GALNTL6: variants seen among roughly 807,000 people sequenced by gnomAD.
GALNTL6 encodes the protein polypeptide N-acetylgalactosaminyltransferase-like 6.
GALNTL6 carries 46 observed loss-of-function variants against 73.7 expected under a neutral mutation model. The ratio of observed to expected loss-of-function variants is 0.62; its 90% CI spans 0.49 to 0.80. The LOEUF (loss-of-function observed/expected upper bound fraction) is 0.80, where lower values mean the gene tolerates loss of function less well. GALNTL6 is among the 30% of genes least tolerant of loss of function. The pLI, the probability that GALNTL6 is intolerant of heterozygous loss-of-function variation, is 0.00. For synonymous variants in GALNTL6, 259 were observed against 263.7 expected, an observed-to-expected ratio of 0.98 and a Z score of 0.17; for missense variants, 604 against 755.0, an observed-to-expected ratio of 0.80 and a Z score of 2.34.
intron 5 of GALNTL6, among the ~76,000 whole-genome samples, chr4:172,592,807 G>A (rs970293023): frequency 2.0e-5 from 3 of 151,996 alleles, no homozygotes; most frequent in African/African-American, 7.3e-5. Context: ...AGCTTTGTTT[G>A]CTATTGAGTT....
At chr4:172,966,973 G>A (rs1333772794) in intron 10 of GALNTL6, among the ~76,000 whole-genome samples, 1 of 152,196 alleles carries the variant, frequency 6.6e-6, no homozygotes, top group Non-Finnish European at 1.5e-5. Flanking sequence ...GATTTTGTAA[G>A]CAACCCAAAA....
intron 2 of GALNTL6, among the ~76,000 whole-genome samples, chr4:172,198,306 A>G (rs772094697): frequency 4.6e-5 from 7 of 151,998 alleles, no homozygotes; most frequent in Non-Finnish European, 7.4e-5. Context: ...CAAAAATCCT[A>G]TCATCAGCGC....
At chr4:172,237,002 C>A (rs987218865) in intron 3 of GALNTL6, among the ~76,000 whole-genome samples, 2 of 152,140 alleles carry the variant, frequency 1.3e-5, no homozygotes, top group Non-Finnish European at 2.9e-5. Context: ...TTACTTGGGA[C>A]AATGGTCTCC....
intron 5 of GALNTL6, among the ~76,000 whole-genome samples, chr4:172,406,793 A>T (rs193294076): frequency 3.3e-5 from 5 of 152,176 alleles, no homozygotes; most frequent in Non-Finnish European, 7.4e-5. Flanking sequence ...CAAATTTTAC[A>T]TCAAACAATA....
chr4:172,537,383 T>G (rs756532021), intron 5 of GALNTL6, among the ~76,000 whole-genome samples: 25 of 152,258 alleles, frequency 1.6e-4, no homozygotes, highest in Non-Finnish European at 3.2e-4. Context: ...CTCATGATAG[T>G]GAGTGAGTTT....
intron 5 of GALNTL6, among the ~76,000 whole-genome samples, chr4:172,483,724 T>C (rs979835478): frequency 1.7e-4 from 26 of 152,102 alleles, no homozygotes; most frequent in Admixed American, 1.1e-3. Flanking sequence ...GTAAGAAATA[T>C]TTGGTAACTT....
chr4:171,940,828 T>TAAAA, intron 2 of GALNTL6, among the ~76,000 whole-genome samples: 1 of 104,148 alleles, frequency 9.6e-6, no homozygotes, highest in East Asian at 2.5e-4. Flanking sequence ...AGAAAATAAA[T>TAAAA]AAATAAATAA....
intron 3 of GALNTL6, among the ~76,000 whole-genome samples, chr4:172,264,390 A>G (rs1187961798): frequency 6.7e-6 from 1 of 149,938 alleles, no homozygotes; most frequent in Non-Finnish European, 1.5e-5. Context: ...GTTTCCTCAT[A>G]TTTGTCCCTT....
chr4:172,769,063 A>C (rs999955856), intron 5 of GALNTL6, among the ~76,000 whole-genome samples: 8 of 152,102 alleles, frequency 5.3e-5, no homozygotes, highest in Non-Finnish European at 1.0e-4. Flanking sequence ...GGATTGTCAG[A>C]TTTAGCAAGT....
Position 172,717,507 on chromosome 4 carries a change from A to G in GALNTL6, c.554-91854A>G, listed in dbSNP as rs1019782208. Among the ~76,000 whole-genome samples, 7 of 152,336 alleles carry G rather than the reference A, an allele frequency of 4.6e-5. No homozygotes were observed. In the East Asian group the frequency reaches 1.2e-3, roughly 25 times the overall value. On this transcript the variant is annotated intron_variant, in intron 5 of 12. Coordinates refer to ENST00000506823, the MANE Select transcript of GALNTL6 (RefSeq NM_001034845.3). ...GAATCAATAAAGATGGCAGATGAGC[A>G]CCAATTGGTGGGCTGAAAAGAAAGC...
chr4:172,692,615 G>C (rs574611970), intron 5 of GALNTL6, among the ~76,000 whole-genome samples: 28 of 152,112 alleles, frequency 1.8e-4, no homozygotes, highest in African/African-American at 6.5e-4. Flanking sequence ...TTAGCAGCAA[G>C]CATTTTTTTC....
At chr4:172,522,717 G>A (rs540042895) in intron 5 of GALNTL6, among the ~76,000 whole-genome samples, 5 of 146,666 alleles carry the variant, frequency 3.4e-5, no homozygotes, top group Admixed American at 2.8e-4. Flanking sequence ...ATCTAATTAT[G>A]AGGATGAGGG....
chr4:172,628,723 T>C (rs1211107785), intron 5 of GALNTL6, among the ~76,000 whole-genome samples: 2 of 152,136 alleles, frequency 1.3e-5, no homozygotes, highest in African/African-American at 4.8e-5. Flanking sequence ...ATATTGTTCT[T>C]TGTTGCAGAT....
intron 5 of GALNTL6, among the ~76,000 whole-genome samples, chr4:172,733,051 G>T (rs1219403139): frequency 1.3e-5 from 2 of 152,144 alleles, no homozygotes; most frequent in African/African-American, 4.8e-5. Flanking sequence ...ACTTAATTTT[G>T]CACCTTAGTG....
intron 5 of GALNTL6, among the ~76,000 whole-genome samples, chr4:172,563,064 C>A (rs1018499478): frequency 6.6e-6 from 1 of 152,128 alleles, no homozygotes; most frequent in Non-Finnish European, 1.5e-5. Context: ...CTGAGCTTTC[C>A]GTGATCCTAC....
chr4:172,208,149 T>C (rs548445899), intron 2 of GALNTL6, among the ~76,000 whole-genome samples: 40 of 152,302 alleles, frequency 2.6e-4, no homozygotes, highest in African/African-American at 9.6e-4. Context: ...GTGAGACCTG[T>C]GACCTGTACA....
At chr4:172,718,206 G>A (rs928592107) in intron 5 of GALNTL6, among the ~76,000 whole-genome samples, 1 of 152,158 alleles carries the variant, frequency 6.6e-6, no homozygotes, top group African/African-American at 2.4e-5. Context: ...TCGTTATGAT[G>A]ATTCATGACT....
chr4:172,480,959 TTTTGCCATA>T (rs1733438738), intron 5 of GALNTL6, among the ~76,000 whole-genome samples: 1 of 152,166 alleles, frequency 6.6e-6, no homozygotes, highest in Non-Finnish European at 1.5e-5. Flanking sequence ...AAATTGACAT[TTTTGCCATA>T]TTTATTGGTC....
intron 10 of GALNTL6, among the ~76,000 whole-genome samples, chr4:172,986,238 G>T (rs1417178096): frequency 2.6e-5 from 4 of 152,178 alleles, no homozygotes; most frequent in Admixed American, 6.5e-5. Context: ...TATTCTTAAA[G>T]GTAAGAGGAG....
Sources: allele counts gnomAD v4.1 joint callset (sites outside exome capture counted in the v4.1 genomes callset), GRCh38; gene constraint gnomAD v4.1.1; transcripts MANE v1.5; gene names NCBI Gene and HGNC (gene_info 2026-07-23, HGNC 2026-07-21).